Variants in MORC4 observed in about 807,000 individuals in gnomAD.
MORC4 encodes the protein MORC family CW-type zinc finger protein 4.
In MORC4, 22 loss-of-function variants were observed where a neutral mutation model predicts 65.5. That is an observed-to-expected ratio of 0.34 (90% CI 0.24 to 0.48). The LOEUF (loss-of-function observed/expected upper bound fraction) is 0.48. Ranked by LOEUF, MORC4 falls within the 20% of genes least tolerant of loss-of-function variation. The pLI, the probability that MORC4 is intolerant of heterozygous loss-of-function variation, is 0.99. For missense variants in MORC4, 624 were observed against 703.0 expected, an observed-to-expected ratio of 0.89 and a Z score of 1.27; for synonymous variants, 267 against 255.8, an observed-to-expected ratio of 1.04 and a Z score of -0.42.
chrX:106,996,158 G>A (rs1253905993), intron 2 of MORC4, among the ~76,000 whole-genome samples: 1 of 102,461 alleles, frequency 9.8e-6, no homozygotes, highest in African/African-American at 3.6e-5. Flanking sequence ...TTTACTGCAA[G>A]TTTTGCCCAA....
At chrX:106,972,803 T>G (rs1934550313) in intron 9 of MORC4, among the ~76,000 whole-genome samples, 1 of 112,285 alleles carries the variant, frequency 8.9e-6, no homozygotes, top group African/African-American at 3.2e-5. Context: ...CCGGGCGTGG[T>G]GGCGCATGCC....
intron 9 of MORC4, among the ~76,000 whole-genome samples, chrX:106,969,625 T>TA (rs1231227720): frequency 9.0e-6 from 1 of 111,156 alleles, no homozygotes; most frequent in African/African-American, 3.3e-5. Flanking sequence ...ATAGACACAA[T>TA]AAAAAATGAT....
chrX:106,965,008 CAA>C (rs35150290), intron 9 of MORC4, among the ~76,000 whole-genome samples: 77 of 75,047 alleles, frequency 1.0e-3, no homozygotes, highest in Middle Eastern at 8.3e-3. Context: ...AACTCCATGT[CAA>C]AAAAAAAAAA....
chrX:106,958,761 A>C (rs1934167232), intron 10 of MORC4, among the ~76,000 whole-genome samples: 1 of 112,034 alleles, frequency 8.9e-6, no homozygotes, highest in Non-Finnish European at 1.9e-5. Context: ...AAAGCTATTG[A>C]AACATTTTTT....
At position 106,986,190 on chromosome X, in the gene MORC4, T is replaced by C. The variant is rs1349468110; in HGVS notation, c.319A>G (p.Thr107Ala). 3 of 1,188,020 alleles carry C rather than the reference T, an allele frequency of 2.5e-6. No individual in the cohort carries two copies. The highest frequency in any genetic ancestry group is 3.4e-6 in the Non-Finnish European group (3 of 883,349). The change falls in exon 4 of 17, where the codon ACA becomes GCA. Residue 107 changes from threonine to alanine, a missense_variant. Thr to Ala is a moderately conservative substitution (Grantham distance 58, BLOSUM62 0). Transcript: ENST00000355610. ...KLHRMLSFGF[T>A]DKVIKKSQCP... is the part of the protein sequence containing the mutation. ...TGGCTCTTCTTTATTACTTTATCTG[T>C]AAAGCCAAAGCTGCAATTACACAAG...
At chrX:106,996,700 T>C (rs1397856233) in intron 2 of MORC4, among the ~76,000 whole-genome samples, 1 of 111,872 alleles carries the variant, frequency 8.9e-6, no homozygotes, top group Non-Finnish European at 1.9e-5. Context: ...AAGTGTGCTA[T>C]CAGATGCTGG....
intron 10 of MORC4, among the ~76,000 whole-genome samples, chrX:106,959,296 T>C (rs1934179237): frequency 9.0e-6 from 1 of 111,012 alleles, no homozygotes. Context: ...ACTCAGTACC[T>C]AAGGTGTAAA....
intron 9 of MORC4, 56 bp downstream of exon 9, chrX:106,976,528 A>G: frequency 1.3e-6 from 1 of 779,789 alleles, no homozygotes. Flanking sequence ...GGCTTTAGAG[A>G]ACAGAATCAT....
chrX:106,969,601 G>T (rs1934457703), intron 9 of MORC4, among the ~76,000 whole-genome samples: 1 of 111,784 alleles, frequency 8.9e-6, no homozygotes, highest in Admixed American at 9.5e-5. Flanking sequence ...AAGAATAAAA[G>T]GGAGAAGGAT....
chrX:106,967,303 G>A (rs781084048), intron 9 of MORC4, among the ~76,000 whole-genome samples: 2 of 111,781 alleles, frequency 1.8e-5, no homozygotes, highest in African/African-American at 3.3e-5. Context: ...AACCCCATCC[G>A]TAGGTAGGTC....
chrX:106,944,847 T>C (rs368143068), intron 14 of MORC4, among the ~76,000 whole-genome samples: 2 of 111,741 alleles, frequency 1.8e-5, no homozygotes, highest in African/African-American at 3.3e-5. Context: ...AAGCTCCCAC[T>C]ACCTTTCCTG....
intron 2 of MORC4, among the ~76,000 whole-genome samples, chrX:106,997,312 T>C (rs921742213): frequency 3.6e-5 from 4 of 112,089 alleles, no homozygotes; most frequent in African/African-American, 1.3e-4. Flanking sequence ...ATCTGGATTA[T>C]TGCAATAACC....
chrX:106,998,766 CAAGT>C (rs747039782), intron 2 of MORC4, among the ~76,000 whole-genome samples: 1 of 112,312 alleles, frequency 8.9e-6, no homozygotes, highest in African/African-American at 3.2e-5. Flanking sequence ...ATCACCCTTC[CAAGT>C]AAGTCCCCTG....
chrX:106,974,776 G>C (rs1934589376), intron 9 of MORC4, among the ~76,000 whole-genome samples: 1 of 111,298 alleles, frequency 9.0e-6, no homozygotes, highest in African/African-American at 3.3e-5. Flanking sequence ...GGATGAGTTT[G>C]TTATAGCAGA....
intron 9 of MORC4, among the ~76,000 whole-genome samples, chrX:106,966,235 T>C (rs1356673689): frequency 8.9e-6 from 1 of 112,388 alleles, no homozygotes; most frequent in African/African-American, 3.2e-5. Flanking sequence ...GGCTGAACAA[T>C]CTTTTGATAA....
intron 10 of MORC4, among the ~76,000 whole-genome samples, chrX:106,959,960 C>T (rs1218593437): frequency 8.9e-6 from 1 of 112,311 alleles, no homozygotes; most frequent in Non-Finnish European, 1.9e-5. Context: ...AATACAATGC[C>T]CTCTTCTTTT....
In MORC4 at chrX:106,956,443, T is replaced by C. The variant is rs371113163; in HGVS notation, c.1509+37A>G. ...CTTATATTTTCTGTTGGGGAAAATG[T>C]TGTGTGAGAACAATAAGGGTGTGCA... On this transcript the variant is annotated intron_variant, in intron 13 of 16. Transcript: ENST00000355610. 9.8e-6 allele frequency: 11 copies of C among 1,116,976 alleles called. No homozygotes were observed. The African/African-American group carries it at 1.8e-4, about 18-fold the overall frequency. The allele number at this position is 1,116,976 out of a possible 1,213,427, so 92.1% of individuals were successfully genotyped here. A position where few individuals can be genotyped will look rare whatever the true frequency, so the allele number is the denominator to read the frequency against.
chrX:106,989,905 G>A (rs113936088), intron 3 of MORC4, among the ~76,000 whole-genome samples: 2,022 of 102,873 alleles, frequency 0.02, 61 homozygotes, highest in African/African-American at 0.069. Context: ...AGAATCCTTC[G>A]GGCCAGGCGT....
At chrX:106,947,592 ATATATATATATAT>A (rs1933878021) in intron 14 of MORC4, among the ~76,000 whole-genome samples, 1 of 72,266 alleles carries the variant, frequency 1.4e-5, no homozygotes, top group African/African-American at 5.7e-5. Context: ...TATATATATA[ATATATATATATAT>A]AAAACACACT....
Sources: allele counts gnomAD v4.1 joint callset (sites outside exome capture counted in the v4.1 genomes callset), GRCh38; gene constraint gnomAD v4.1.1; transcripts MANE v1.5; gene names NCBI Gene and HGNC (gene_info 2026-07-23, HGNC 2026-07-21).